The following PLEKHA5 variants were observed in gnomAD, a reference collection of about 807,000 sequenced individuals.
The protein encoded by PLEKHA5 is pleckstrin homology domain containing A5, also known as pleckstrin homology domain-containing family A member 5.
Under a neutral mutation model 181.9 loss-of-function variants are expected in PLEKHA5, and 55 were observed. That is an observed-to-expected ratio of 0.30 (90% confidence interval 0.24 to 0.38). The LOEUF (loss-of-function observed/expected upper bound fraction) is 0.38, where lower values mean the gene tolerates loss of function less well. PLEKHA5 is among the 10% of genes least tolerant of loss of function. PLEKHA5 has a pLI of 1.00. For missense variants in PLEKHA5, 1,432 were observed against 1,549.5 expected (o/e 0.92, Z 1.27); for synonymous variants, 535 against 529.4 (o/e 1.01, Z -0.15).
intron 26 of PLEKHA5, among the ~76,000 whole-genome samples, chr12:19,356,882 A>G (rs2094962131): frequency 6.6e-6 from 1 of 151,760 alleles, no homozygotes; most frequent in South Asian, 2.1e-4. Context: ...GCTGGTCTCT[A>G]ACTCCTGACC....
chr12:19,164,420 C>A (rs2043792893), intron 3 of PLEKHA5, among the ~76,000 whole-genome samples: 1 of 152,136 alleles, frequency 6.6e-6, no homozygotes, highest in Non-Finnish European at 1.5e-5. Context: ...GTCTCAAACT[C>A]CTGACCCCAA....
intron 3 of PLEKHA5, among the ~76,000 whole-genome samples, chr12:19,188,573 C>A (rs1328658315): frequency 6.6e-6 from 1 of 152,176 alleles, no homozygotes; most frequent in Non-Finnish European, 1.5e-5. Flanking sequence ...TTTATTGATG[C>A]TTCTGGCAAT....
At chr12:19,145,578 G>A (rs2038718124) in intron 3 of PLEKHA5, among the ~76,000 whole-genome samples, 2 of 151,954 alleles carry the variant, frequency 1.3e-5, no homozygotes, top group African/African-American at 2.4e-5. Flanking sequence ...TCTTTTCATA[G>A]TACTGGTTAA....
chr12:19,267,431 G>C (rs1235450031), intron 8 of PLEKHA5, among the ~76,000 whole-genome samples: 1 of 151,594 alleles, frequency 6.6e-6, no homozygotes, highest in Non-Finnish European at 1.5e-5. Flanking sequence ...GCTGAGGCAG[G>C]TCAGGATCAA....
chr12:19,133,900 G>A (rs374403227), intron 3 of PLEKHA5, among the ~76,000 whole-genome samples: 45 of 152,038 alleles, frequency 3.0e-4, no homozygotes, highest in African/African-American at 9.9e-4. Flanking sequence ...ATATTGCCAC[G>A]AAAAGGGATA....
chr12:19,373,832 A>T (rs1239954124), intron 31 of PLEKHA5, among the ~76,000 whole-genome samples: 3 of 152,248 alleles, frequency 2.0e-5, no homozygotes, highest in Non-Finnish European at 4.4e-5. Context: ...TTTTGATTCA[A>T]TAAACAGATT....
intron 24 of PLEKHA5, among the ~76,000 whole-genome samples, chr12:19,347,410 G>A (rs1280251312): frequency 6.6e-6 from 1 of 151,178 alleles, no homozygotes; most frequent in East Asian, 1.9e-4. Flanking sequence ...TAATTTCATA[G>A]CATTTTTCAT....
At chr12:19,373,854 C>T (rs935349913) in intron 31 of PLEKHA5, among the ~76,000 whole-genome samples, 1 of 152,174 alleles carries the variant, frequency 6.6e-6, no homozygotes, top group Non-Finnish European at 1.5e-5. Flanking sequence ...TGACTGTACA[C>T]ATATCCTTCC....
At chr12:19,209,011 T>C (rs2056344476) in intron 3 of PLEKHA5, among the ~76,000 whole-genome samples, 1 of 152,000 alleles carries the variant, frequency 6.6e-6, no homozygotes, top group Non-Finnish European at 1.5e-5. Flanking sequence ...TCATGGAAAA[T>C]GGATATTGTG....
chr12:19,306,176 A>G (rs2152951606), intron 15 of PLEKHA5, among the ~76,000 whole-genome samples: 1 of 152,302 alleles, frequency 6.6e-6, no homozygotes, highest in Middle Eastern at 3.4e-3. Flanking sequence ...TTTTCTAAAC[A>G]TTTGGACTTA....
chr12:19,354,006 T>C lies in PLEKHA5; in HGVS notation c.3138+4T>C. 7.4e-7 allele frequency: 1 copy of C among 1,343,438 alleles called. No homozygotes were observed. The highest frequency in any genetic ancestry group is 1.1e-6 in the Non-Finnish European group (1 of 937,952). The allele number at this position is 1,343,438 out of a possible 1,614,324, so 83.2% of individuals were successfully genotyped here. ...GAAGATGATGGATCTAAGAACGGTA[T>C]TTAACTGGAAATTAATCTTCTAGGA... is the stretch of plus-strand genomic sequence containing the variant. On this transcript the variant is annotated splice_donor_region_variant and intron_variant, in intron 26 of 31. Coordinates refer to ENST00000429027, the MANE Select transcript of PLEKHA5 (RefSeq NM_001256470.2).
At chr12:19,144,723 T>C (rs569352772) in intron 3 of PLEKHA5, among the ~76,000 whole-genome samples, 2 of 152,250 alleles carry the variant, frequency 1.3e-5, no homozygotes, top group South Asian at 4.2e-4. Flanking sequence ...GGAAAGCATA[T>C]TGTGATAAGC....
At chr12:19,352,577 CTT>C (rs34607449) in intron 25 of PLEKHA5, among the ~76,000 whole-genome samples, 241 of 110,148 alleles carry the variant, frequency 2.2e-3, no homozygotes, top group Admixed American at 2.3e-3. Context: ...ACAAAGAAGG[CTT>C]TTTTTTTTTT....
In PLEKHA5 at chr12:19,307,494, A is replaced by G. The variant is rs704164; in HGVS notation, c.2038-7320A>G. On this transcript the variant is annotated intron_variant, in intron 15 of 31. Transcript: ENST00000429027. ...GGCTCAAAAAAAAATAGAGGAAGCT[A>G]TGAAAAGAGTACAAGAAGCACACTG... 2.6e-3 allele frequency: 790 copies of G among 301,064 alleles called. 11 individuals are homozygous for G. Among genetic ancestry groups the G allele is most frequent in the African/African-American group, 0.017 (750 of 44,216 alleles). The allele number at this position is 301,064 out of a possible 1,614,324, so 18.6% of individuals were successfully genotyped here.
chr12:19,181,418 T>C (rs2048540072), intron 3 of PLEKHA5, among the ~76,000 whole-genome samples: 1 of 152,206 alleles, frequency 6.6e-6, no homozygotes, highest in African/African-American at 2.4e-5. Flanking sequence ...ACTAACTCAA[T>C]ATAGTAAAAG....
At chr12:19,236,209 T>TA (rs1468589026) in intron 3 of PLEKHA5, among the ~76,000 whole-genome samples, 27 of 152,236 alleles carry the variant, frequency 1.8e-4, no homozygotes, top group African/African-American at 6.0e-4. Context: ...TAACAACTCT[T>TA]ACCTTTTCTG....
chr12:19,353,657 C>A (rs1269212280), intron 25 of PLEKHA5, among the ~76,000 whole-genome samples: 2 of 152,004 alleles, frequency 1.3e-5, no homozygotes, highest in Non-Finnish European at 2.9e-5. Context: ...CGGGGTTTCT[C>A]CATGTTGGTC....
chr12:19,359,311 AGATCC>A lies in PLEKHA5; in HGVS notation c.3349-100_3349-96del, dbSNP rs2095107967. 2.1e-5 allele frequency: 21 copies of A among 982,318 alleles called. 1 individual carries two copies. In the South Asian group the frequency reaches 4.3e-4, roughly 20 times the overall value. The allele number at this position is 982,318 out of a possible 1,614,324, so 60.9% of individuals were successfully genotyped here. ...CATAGGAAAACTTCTTCATGAGTGGAGATCCAGCTTTGTTCTATTTTGAGAATTAA... is the reference window on the plus strand; with the variant it reads ...CATAGGAAAACTTCTTCATGAGTGGAAGCTTTGTTCTATTTTGAGAATTAA... On this transcript the variant is annotated intron_variant, in intron 27 of 31. Transcript: ENST00000429027.
chr12:19,314,471 G>T (rs2087782031), intron 15 of PLEKHA5, among the ~76,000 whole-genome samples: 1 of 152,008 alleles, frequency 6.6e-6, no homozygotes, highest in South Asian at 2.1e-4. Context: ...TCCTGATTGT[G>T]TAGGTTCTCA....
Sources: gnomAD v4.1 joint callset for allele counts (sites outside exome capture counted in the v4.1 genomes callset) on GRCh38, gnomAD v4.1.1 for gene constraint, MANE v1.5 for transcripts, NCBI Gene and HGNC (gene_info 2026-07-23, HGNC 2026-07-21) for gene names.